PITPNM3: variants seen among roughly 807,000 people sequenced by gnomAD.
PITPNM3 encodes the protein membrane-associated phosphatidylinositol transfer protein 3.
Under a neutral mutation model 102.0 loss-of-function variants are expected in PITPNM3, and 26 were observed. The ratio of observed to expected loss-of-function variants is 0.25; its 90% CI spans 0.19 to 0.35. The LOEUF is 0.35. Ranked by LOEUF, PITPNM3 falls within the 10% of genes least tolerant of loss-of-function variation. The pLI, the probability that PITPNM3 is intolerant of heterozygous loss-of-function variation, is 1.00. For synonymous variants in PITPNM3, 578 were observed against 558.6 expected (o/e 1.03, Z -0.49); for missense variants, 1,083 against 1,346.1 (o/e 0.80, Z 3.06).
At chr17:6,532,685 T>C (rs1013309029) in intron 2 of PITPNM3, among the ~76,000 whole-genome samples, 3 of 152,312 alleles carry the variant, frequency 2.0e-5, no homozygotes, top group African/African-American at 4.8e-5. Context: ...CCTTCTTAAC[T>C]GTACCACAAT....
chr17:6,523,919 C>T (rs370443295), intron 3 of PITPNM3, among the ~76,000 whole-genome samples: 7 of 152,262 alleles, frequency 4.6e-5, no homozygotes, highest in African/African-American at 1.4e-4. Flanking sequence ...TAGTCCAGTC[C>T]GGGAGGTGAA....
At chr17:6,535,355 A>G (rs1428590249) in intron 2 of PITPNM3, among the ~76,000 whole-genome samples, 1 of 152,152 alleles carries the variant, frequency 6.6e-6, no homozygotes, top group Non-Finnish European at 1.5e-5. Context: ...GAGAGAAAGC[A>G]TGGCTTCACC....
chr17:6,484,388 CTTACA>C, intron 4 of PITPNM3, 96 bp from the exon 5 acceptor site: 1 of 1,256,778 alleles, frequency 8.0e-7, no homozygotes, highest in Non-Finnish European at 1.2e-6. Flanking sequence ...GAGACCTTGG[CTTACA>C]TCACAGGTGA....
chr17:6,511,671 C>A (rs1228624852), intron 3 of PITPNM3, among the ~76,000 whole-genome samples: 3 of 152,182 alleles, frequency 2.0e-5, no homozygotes, highest in Admixed American at 2.0e-4. Context: ...AAAACCATAA[C>A]CTCAAGCCTG....
intron 11 of PITPNM3, among the ~76,000 whole-genome samples, chr17:6,471,656 A>G (rs961059265): frequency 6.6e-6 from 1 of 152,224 alleles, no homozygotes; most frequent in Non-Finnish European, 1.5e-5. Context: ...CTGCAGAGGG[A>G]GCCTCTGGGA....
Position 6,457,532 on chromosome 17 carries a change from C to T in PITPNM3, c.2619+62G>A. 1 of 1,603,720 alleles carries T rather than the reference C, an allele frequency of 6.2e-7. No individual in the cohort carries two copies. Among genetic ancestry groups the T allele is most frequent in the Admixed American group, 1.7e-5 (1 of 59,766 alleles). ...TGAATGAATGAATGAAGTGCTTACT[C>T]CCTCTATCCCTTTCCCTGACCTCCC... On this transcript the variant is annotated intron_variant, in intron 19 of 19. Coordinates refer to ENST00000262483, the MANE Select transcript of PITPNM3 (RefSeq NM_031220.4). The surrounding 1 kb of genome is among the most constrained non-coding windows in gnomAD (Gnocchi z 4.7).
rs775491788 is a variant in PITPNM3 at position 6,474,609 on chromosome 17, G to A, written c.1086-5C>T. ...TTTAGCACGCTGGAGTGGATGCTGC[G>A]GAGGGAGGAGGACGCAGGGCAGGGC... On this transcript the variant is annotated splice_region_variant and splice_polypyrimidine_tract_variant and intron_variant, in intron 9 of 19. Transcript: ENST00000262483. The A allele has an allele frequency of 2.5e-5, 39 of 1,556,970 alleles. No individual in the cohort carries two copies. Among genetic ancestry groups the A allele is most frequent in the Admixed American group, 1.7e-4 (9 of 51,542 alleles).
chr17:6,523,667 C>T (rs913887545), intron 3 of PITPNM3, among the ~76,000 whole-genome samples: 1 of 152,216 alleles, frequency 6.6e-6, no homozygotes, highest in African/African-American at 2.4e-5. Flanking sequence ...GGGGCAGGAC[C>T]TAGAATCCAT....
At chr17:6,501,507 C>T (rs1567678402) in intron 4 of PITPNM3, among the ~76,000 whole-genome samples, 1 of 152,166 alleles carries the variant, frequency 6.6e-6, no homozygotes, top group Non-Finnish European at 1.5e-5. Flanking sequence ...AGCTACCAGG[C>T]AACGGGACAC....
intron 1 of PITPNM3, among the ~76,000 whole-genome samples, chr17:6,555,519 T>G (rs1351422795): frequency 6.6e-6 from 1 of 152,172 alleles, no homozygotes; most frequent in South Asian, 2.1e-4. Context: ...GCCTACTGTA[T>G]GGCCGGCCCT....
chr17:6,527,807 G>C (rs1567689036), intron 2 of PITPNM3, among the ~76,000 whole-genome samples: 2 of 152,208 alleles, frequency 1.3e-5, no homozygotes, highest in Non-Finnish European at 2.9e-5. Context: ...TAAGCTAAGA[G>C]AGCCAGGTAT....
intron 1 of PITPNM3, among the ~76,000 whole-genome samples, chr17:6,549,349 C>T (rs76810022): frequency 0.022 from 3,378 of 152,340 alleles, 105 homozygotes; most frequent in African/African-American, 0.076. Context: ...ACAGTGACCA[C>T]ACAGGCTTCC....
chr17:6,524,703 C>CA (rs1233002749), intron 3 of PITPNM3, among the ~76,000 whole-genome samples: 1 of 152,198 alleles, frequency 6.6e-6, no homozygotes, highest in Non-Finnish European at 1.5e-5. Flanking sequence ...CATCACAAGA[C>CA]AGAGGCCTCA....
chr17:6,486,564 C>T (rs557211594), intron 4 of PITPNM3, among the ~76,000 whole-genome samples: 44 of 152,274 alleles, frequency 2.9e-4, no homozygotes, highest in Middle Eastern at 3.4e-3. Context: ...TTATGAGCTC[C>T]GAGCTACTGC....
intron 2 of PITPNM3, among the ~76,000 whole-genome samples, chr17:6,532,089 AG>A (rs1909177441): frequency 6.6e-6 from 1 of 151,732 alleles, no homozygotes; most frequent in Non-Finnish European, 1.5e-5. Flanking sequence ...CTGGGTGACA[AG>A]AGTGAAACTC....
At position 6,511,789 on chromosome 17, in the gene PITPNM3, C is replaced by G. The variant is rs560667505; in HGVS notation, c.227-8215G>C. On this transcript the variant is annotated intron_variant, in intron 3 of 19. Transcript: ENST00000262483. ...ATGAGGTCAGGAGTTTGAGACCAAC[C>G]TGGCCAACATAGTGAAACCCCATCT... 8.5e-5 allele frequency among the ~76,000 whole-genome samples: 13 copies of G among 152,224 alleles called. No individual in the cohort carries two copies. The South Asian group carries it at 2.7e-3, about 32-fold the overall frequency.
At position 6,455,353 on chromosome 17, in the gene PITPNM3, G is replaced by A; in HGVS notation, c.2910C>T (p.Phe970=). ...AGCCCACCCCTCAGGGCACCGACTC[G>A]AACTTGGGGGGCCCACGCGCCCAGC... ...ALSWARGPPK[F]ESVP Residue 970 remains phenylalanine, a synonymous_variant, in exon 20 of 20, where the codon TTC becomes TTT. Coordinates refer to ENST00000262483, the MANE Select transcript of PITPNM3 (RefSeq NM_031220.4). 7.0e-6 allele frequency: 11 copies of A among 1,579,878 alleles called. No individual in the cohort carries two copies. The highest frequency in any genetic ancestry group is 3.4e-4 in the Middle Eastern group (2 of 5,906).
intron 1 of PITPNM3, among the ~76,000 whole-genome samples, chr17:6,542,915 A>G (rs1176339553): frequency 1.3e-5 from 2 of 152,154 alleles, no homozygotes; most frequent in Non-Finnish European, 2.9e-5. Context: ...TAATTGAGAC[A>G]GGGTCTTGCC....
At chr17:6,535,340 G>A (rs1359492097) in intron 2 of PITPNM3, among the ~76,000 whole-genome samples, 1 of 152,120 alleles carries the variant, frequency 6.6e-6, no homozygotes, top group East Asian at 1.9e-4. Flanking sequence ...CAGAGCCCTG[G>A]GAGAGAGAGA....
Sources: allele counts gnomAD v4.1 joint callset (sites outside exome capture counted in the v4.1 genomes callset), GRCh38; gene constraint gnomAD v4.1.1; non-coding constraint Gnocchi (gnomAD v3.1); transcripts MANE v1.5; gene names NCBI Gene and HGNC (gene_info 2026-07-23, HGNC 2026-07-21).